The following FHL1 variants were observed in gnomAD, a reference collection of about 807,000 sequenced individuals.
The protein encoded by FHL1 is four and a half LIM domains protein 1.
A neutral mutation model predicts 20.3 loss-of-function variants in FHL1; 1 was observed. The observed-to-expected ratio is 0.05, with a 90% CI of 0.02 to 0.23. The LOEUF is 0.23. FHL1 is among the 10% of genes least tolerant of loss of function. FHL1 has a pLI of 1.00. For synonymous variants in FHL1, 82 were observed against 88.9 expected, an observed-to-expected ratio of 0.92 and a Z score of 0.44; for missense variants, 177 against 234.0, an observed-to-expected ratio of 0.76 and a Z score of 1.59.
upstream of FHL1, among the ~76,000 whole-genome samples, chrX:136,165,868 T>C (rs2072695942): frequency 8.9e-6 from 1 of 111,934 alleles, no homozygotes; most frequent in South Asian, 3.7e-4. Flanking sequence ...AAAAAGTAAC[T>C]CTTGGCTTCT....
intron 2 of FHL1, among the ~76,000 whole-genome samples, chrX:136,186,628 CGA>C (rs1402155208): frequency 9.1e-6 from 1 of 110,125 alleles, no homozygotes; most frequent in East Asian, 2.8e-4. Flanking sequence ...TTTGGGAGAC[CGA>C]GGTGGGTGGG....
rs758985965 is a variant in FHL1, at chrX:136,197,124, T to C, written c.12T>C (p.His4=). The part of the protein sequence containing the change: MAS[H]RHSGPSSYKV... The stretch of plus-strand genomic sequence containing the variant: ...TTGGTCTCTGAGCCATGGCTTCCCA[T>C]AGACACTCAGGTAAAACTTCATGCT... The change falls in exon 1 of 6, where the codon CAT becomes CAC. Residue 4 remains histidine, a synonymous_variant. Transcript: ENST00000370683. 8 of 1,207,900 alleles carry C rather than the reference T, an allele frequency of 6.6e-6. No homozygotes were observed. In the South Asian group the frequency reaches 1.4e-4, roughly 21 times the overall value.
At chrX:136,177,559 C>A (rs904708052) in intron 2 of FHL1, among the ~76,000 whole-genome samples, 3 of 112,156 alleles carry the variant, frequency 2.7e-5, no homozygotes, top group Admixed American at 1.9e-4. Context: ...GTTTACAGGT[C>A]TTTTCAGCTT....
At chrX:136,177,599 C>T (rs1439810811) in intron 2 of FHL1, among the ~76,000 whole-genome samples, 1 of 111,992 alleles carries the variant, frequency 8.9e-6, no homozygotes, top group African/African-American at 3.2e-5. Context: ...TGTGAATTTT[C>T]TTTGAAACCC....
At chrX:136,196,303 G>C (rs2073554096), upstream of FHL1, among the ~76,000 whole-genome samples, 1 of 112,219 alleles carries the variant, frequency 8.9e-6, no homozygotes, top group Non-Finnish European at 1.9e-5. Flanking sequence ...CCAGCCCCCA[G>C]ACATCTGATG....
chrX:136,155,346 A>AG (rs1265938623), intron 1 of FHL1, among the ~76,000 whole-genome samples: 12 of 112,181 alleles, frequency 1.1e-4, no homozygotes, highest in Non-Finnish European at 1.9e-5. Context: ...GAGTGAGAAG[A>AG]GTTGTTGTCA....
Position 136,211,102 on chromosome X carries a change from T to C in FHL1, c.*1077T>C, listed in dbSNP as rs2074001307. On this transcript the variant is annotated 3_prime_UTR_variant, in exon 6 of 6. Transcript: ENST00000370683. ...CTTCTGTTGTGATTCCTAGGACTTTTCCTCAAGAGGAAATCTGGATTTCCA... is the reference window on the plus strand; with the variant it reads ...CTTCTGTTGTGATTCCTAGGACTTTCCCTCAAGAGGAAATCTGGATTTCCA... 1 of 376,135 alleles carries C rather than the reference T, an allele frequency of 2.7e-6. No individual in the cohort carries two copies. The highest frequency in any genetic ancestry group is 3.0e-5 in the Admixed American group (1 of 33,797). The allele number at this position is 376,135 out of a possible 1,213,427, so 31.0% of individuals were successfully genotyped here.
At chrX:136,185,442 G>A (rs918897961) in intron 2 of FHL1, among the ~76,000 whole-genome samples, 2 of 112,110 alleles carry the variant, frequency 1.8e-5, no homozygotes, top group Non-Finnish European at 3.8e-5. Context: ...ATTTTAAAAC[G>A]GTCTCATCTA....
intron 1 of FHL1, among the ~76,000 whole-genome samples, chrX:136,199,332 ATT>A (rs2073642221): frequency 8.9e-6 from 1 of 111,975 alleles, no homozygotes; most frequent in Non-Finnish European, 1.9e-5. Context: ...CCCAAAAAAG[ATT>A]TGTTTTTTTT....
At chrX:136,176,339 A>G (rs2073001709) in intron 2 of FHL1, among the ~76,000 whole-genome samples, 1 of 112,169 alleles carries the variant, frequency 8.9e-6, no homozygotes, top group Non-Finnish European at 1.9e-5. Context: ...AGTCCCTCTC[A>G]CCTTCAGCTG....
At chrX:136,193,355 G>C (rs768611704), upstream of FHL1, among the ~76,000 whole-genome samples, 2 of 111,980 alleles carry the variant, frequency 1.8e-5, no homozygotes, top group South Asian at 7.5e-4. Context: ...GCACCACTTT[G>C]AACTTTTGAA....
chrX:136,158,269 G>T (rs1486379477), intron 1 of FHL1, among the ~76,000 whole-genome samples: 1 of 112,015 alleles, frequency 8.9e-6, no homozygotes, highest in Non-Finnish European at 1.9e-5. Context: ...TACTCTCATT[G>T]ATATATTTAA....
At chrX:136,147,547 G>GCCGCCA (rs1426928253) in exon 1 of FHL1, 1 of 109,767 alleles carries the variant, frequency 9.1e-6, no homozygotes, top group African/African-American at 3.3e-5. Flanking sequence ...CGCAGCCGCC[G>GCCGCCA]CCGCCACCGC....
In FHL1 at chrX:136,210,419, C is replaced by A. The variant is rs1290763318; in HGVS notation, c.*394C>A. 7.6e-6 allele frequency: 3 copies of A among 393,139 alleles called. No individual in the cohort carries two copies. The highest frequency in any genetic ancestry group is 1.4e-5 in the Non-Finnish European group (3 of 210,440). 32.4% of individuals were successfully genotyped at this position (393,139 alleles called of 1,213,427 possible). On this transcript the variant is annotated 3_prime_UTR_variant, in exon 6 of 6. Coordinates refer to ENST00000370683, the MANE Select transcript of FHL1 (RefSeq NM_001159699.2). ...AGCTGGGACCCACCGTGTAGACACA[C>A]GACATGCAAGAGTTGCAGCGGCTGC...
intron 2 of FHL1, among the ~76,000 whole-genome samples, chrX:136,175,881 C>T (rs960550835): frequency 1.8e-5 from 2 of 112,479 alleles, no homozygotes; most frequent in Admixed American, 1.9e-4. Context: ...TTTGCTATTA[C>T]TTAGATGTTG....
intron 2 of FHL1, among the ~76,000 whole-genome samples, chrX:136,172,256 G>A (rs2072891178): frequency 8.9e-6 from 1 of 112,330 alleles, no homozygotes; most frequent in African/African-American, 3.2e-5. Context: ...TGCATCTGGT[G>A]TTCTTTCTTC....
intron 2 of FHL1, among the ~76,000 whole-genome samples, chrX:136,183,108 A>C (rs1201002701): frequency 5.0e-5 from 5 of 100,641 alleles, no homozygotes; most frequent in East Asian, 6.0e-4. Context: ...AAAAAAAAAA[A>C]CAAAAAACAA....
At chrX:136,151,993 C>G (rs1319938671) in intron 1 of FHL1, among the ~76,000 whole-genome samples, 1 of 111,667 alleles carries the variant, frequency 9.0e-6, no homozygotes, top group Non-Finnish European at 1.9e-5. Flanking sequence ...ATCTCCCTTG[C>G]GGCATGCATC....
At chrX:136,191,502 G>A (rs2073431263) in intron 2 of FHL1, among the ~76,000 whole-genome samples, 1 of 111,943 alleles carries the variant, frequency 8.9e-6, no homozygotes, top group South Asian at 3.8e-4. Flanking sequence ...CCACTTCCGT[G>A]CACCATGTTA....
Sources: gnomAD v4.1 joint callset for allele counts (sites outside exome capture counted in the v4.1 genomes callset) on GRCh38, gnomAD v4.1.1 for gene constraint, MANE v1.5 for transcripts, NCBI Gene and HGNC (gene_info 2026-07-23, HGNC 2026-07-21) for gene names.